The following PCDH11X variants were observed in gnomAD, a reference collection of about 807,000 sequenced individuals.
PCDH11X encodes protocadherin 11 X-linked, also known as protocadherin-11 X-linked.
A neutral mutation model predicts 53.3 loss-of-function variants in PCDH11X; 18 were observed. The ratio of observed to expected loss-of-function variants is 0.34; its 90% CI spans 0.23 to 0.50. The LOEUF (loss-of-function observed/expected upper bound fraction) is 0.50. Among genes scored for constraint, PCDH11X ranks in the 20% least tolerant of loss-of-function variants. PCDH11X has a pLI of 0.98. For missense variants in PCDH11X, 570 were observed against 1,032.4 expected (o/e 0.55, Z 6.14); for synonymous variants, 279 against 393.3 (o/e 0.71, Z 3.44).
At chrX:91,804,742 A>G (rs1324189414) in intron 1 of PCDH11X, among the ~76,000 whole-genome samples, 1 of 111,314 alleles carries the variant, frequency 9.0e-6, no homozygotes, top group Non-Finnish European at 1.9e-5. Context: ...AATGGTTCAT[A>G]TAATAATAGG....
chrX:92,492,504 T>C (rs888312480), intron 10 of PCDH11X, among the ~76,000 whole-genome samples: 3 of 112,271 alleles, frequency 2.7e-5, no homozygotes, highest in African/African-American at 9.7e-5. Flanking sequence ...TTTTGTTCTC[T>C]CTCACAATTT....
chrX:92,461,492 A>G (rs1187499692), intron 9 of PCDH11X, among the ~76,000 whole-genome samples: 1 of 112,212 alleles, frequency 8.9e-6, no homozygotes, highest in East Asian at 2.8e-4. Flanking sequence ...TTCTGGGAAA[A>G]CTGGATATCC....
At chrX:92,269,321 A>G (rs2067901052) in intron 8 of PCDH11X, among the ~76,000 whole-genome samples, 1 of 112,028 alleles carries the variant, frequency 8.9e-6, no homozygotes. Flanking sequence ...ATTTAGGTAG[A>G]AAAATTAAAA....
intron 4 of PCDH11X, among the ~76,000 whole-genome samples, chrX:91,813,337 A>G (rs1394276630): frequency 9.3e-6 from 1 of 108,069 alleles, no homozygotes; most frequent in Admixed American, 1.0e-4. Context: ...AAGCACTTAC[A>G]TTTAACCTTA....
At chrX:91,785,847 T>A (rs1935320302) in intron 1 of PCDH11X, among the ~76,000 whole-genome samples, 1 of 111,035 alleles carries the variant, frequency 9.0e-6, no homozygotes, top group South Asian at 3.8e-4. Context: ...TATCTTTTGT[T>A]AGGAGAAAAC....
chrX:92,411,582 T>C (rs977262358), intron 9 of PCDH11X, among the ~76,000 whole-genome samples: 4 of 109,857 alleles, frequency 3.6e-5, no homozygotes, highest in African/African-American at 6.7e-5. Flanking sequence ...TTCATCCATG[T>C]CCCTGCAAAA....
At chrX:92,180,921 TG>T (rs759237656) in intron 6 of PCDH11X, among the ~76,000 whole-genome samples, 1 of 107,975 alleles carries the variant, frequency 9.3e-6, no homozygotes, top group African/African-American at 3.4e-5. Context: ...AGTGTGAAAA[TG>T]GGCTAATACA....
chrX:92,084,001 C>A (rs1211162864), intron 6 of PCDH11X, among the ~76,000 whole-genome samples: 1 of 108,525 alleles, frequency 9.2e-6, no homozygotes, highest in Non-Finnish European at 1.9e-5. Flanking sequence ...GGCAAGAGAA[C>A]TACTTGAACC....
chrX:92,421,433 A>G (rs2071963979), intron 9 of PCDH11X, among the ~76,000 whole-genome samples: 1 of 111,939 alleles, frequency 8.9e-6, no homozygotes, highest in South Asian at 3.7e-4. Flanking sequence ...TCTGCAAAGA[A>G]CATGATCTCA....
At chrX:92,339,599 G>C (rs186522404) in intron 8 of PCDH11X, among the ~76,000 whole-genome samples, 31 of 110,656 alleles carry the variant, frequency 2.8e-4, no homozygotes, top group African/African-American at 9.9e-4. Flanking sequence ...CACATGGCCA[G>C]AGCAGGAGCA....
At chrX:92,254,767 C>T (rs1193318870) in intron 7 of PCDH11X, among the ~76,000 whole-genome samples, 2 of 108,947 alleles carry the variant, frequency 1.8e-5, no homozygotes, top group Non-Finnish European at 3.8e-5. Context: ...TGAATATTGG[C>T]CCCCACTCTC....
intron 4 of PCDH11X, among the ~76,000 whole-genome samples, chrX:91,818,655 C>T (rs1440650660): frequency 3.7e-5 from 4 of 108,744 alleles, no homozygotes; most frequent in Non-Finnish European, 7.6e-5. Context: ...GCCAAAATCG[C>T]ACCACTGCAC....
At chrX:92,376,850 CA>C (rs1403706069) in intron 8 of PCDH11X, among the ~76,000 whole-genome samples, 3 of 111,676 alleles carry the variant, frequency 2.7e-5, no homozygotes, top group Admixed American at 9.5e-5. Flanking sequence ...TGGCAGTTTT[CA>C]AAGTACCACC....
chrX:92,514,864 A>G (rs2074231513), intron 10 of PCDH11X, among the ~76,000 whole-genome samples: 1 of 106,728 alleles, frequency 9.4e-6, no homozygotes, highest in Non-Finnish European at 1.9e-5. Context: ...TGGCTAACAC[A>G]GTGAAACCCC....
At chrX:92,125,376 A>G (rs1309230684) in intron 6 of PCDH11X, among the ~76,000 whole-genome samples, 1 of 111,782 alleles carries the variant, frequency 8.9e-6, no homozygotes, top group African/African-American at 3.2e-5. Flanking sequence ...CAAATGGGAG[A>G]GTTTTGTTTG....
chrX:91,869,797 G>T (rs1470878045), intron 5 of PCDH11X, among the ~76,000 whole-genome samples: 2 of 111,683 alleles, frequency 1.8e-5, no homozygotes. Flanking sequence ...AAAGAGTTTT[G>T]CTGTAGTATA....
At chrX:92,263,055 AT>A in intron 7 of PCDH11X, 58 bp from the exon 8 acceptor site, 1 of 1,123,613 alleles carries the variant, frequency 8.9e-7, no homozygotes, top group Non-Finnish European at 1.2e-6. Context: ...ATTTGAGCTG[AT>A]TTTTGTTTTT....
intron 6 of PCDH11X, among the ~76,000 whole-genome samples, chrX:92,158,518 GAAAA>G (rs1438845688): frequency 9.1e-6 from 1 of 110,159 alleles, no homozygotes; most frequent in Admixed American, 9.7e-5. Flanking sequence ...TCAAAAAAAA[GAAAA>G]AAAGAAAAGG....
At chrX:91,921,422 G>A (rs1170012338) in intron 6 of PCDH11X, among the ~76,000 whole-genome samples, 3 of 108,961 alleles carry the variant, frequency 2.8e-5, no homozygotes, top group Admixed American at 9.9e-5. Flanking sequence ...CTATAGAGTA[G>A]TTTCTCTGCC....
Sources: allele counts gnomAD v4.1 joint callset (sites outside exome capture counted in the v4.1 genomes callset), GRCh38; gene constraint gnomAD v4.1.1; transcripts MANE v1.5; gene names NCBI Gene and HGNC (gene_info 2026-07-23, HGNC 2026-07-21).